PTPN22: variants seen among roughly 807,000 people sequenced by gnomAD.
PTPN22 encodes the protein tyrosine-protein phosphatase non-receptor type 22.
Under a neutral mutation model 103.3 loss-of-function variants are expected in PTPN22, and 85 were observed. That is an observed-to-expected ratio of 0.82 (90% CI 0.69 to 0.99). The LOEUF is 0.99. PTPN22 is among the 50% of genes least tolerant of loss of function. PTPN22 has a pLI of 0.00. For synonymous variants in PTPN22, 323 were observed against 310.2 expected, an observed-to-expected ratio of 1.04 and a Z score of -0.43; for missense variants, 865 against 936.9, an observed-to-expected ratio of 0.92 and a Z score of 1.00.
chr1:113,851,445 C>T (rs1388945239), intron 10 of PTPN22, among the ~76,000 whole-genome samples: 11 of 152,058 alleles, frequency 7.2e-5, no homozygotes, highest in East Asian at 1.9e-4. Flanking sequence ...TCAGCCACCG[C>T]GCCCGGCCCA....
At chr1:113,864,079 C>T (rs1571473944) in intron 1 of PTPN22, 2 of 335,138 alleles carry the variant, frequency 6.0e-6, no homozygotes, top group Non-Finnish European at 1.2e-5. Context: ...CCATTGCACT[C>T]TGGTCTGGGC....
At chr1:113,867,528 A>G (rs1666214150) in intron 1 of PTPN22, among the ~76,000 whole-genome samples, 2 of 152,190 alleles carry the variant, frequency 1.3e-5, no homozygotes, top group South Asian at 4.1e-4. Context: ...CCTCACCCAG[A>G]CTATCACAAT....
chr1:113,831,458 A>G (rs1177691112), intron 16 of PTPN22, among the ~76,000 whole-genome samples: 4 of 152,126 alleles, frequency 2.6e-5, no homozygotes, highest in South Asian at 4.1e-4. Context: ...GGATCTGTCT[A>G]TTCTGGATAT....
At chr1:113,862,197 C>T (rs1665673869) in intron 1 of PTPN22, among the ~76,000 whole-genome samples, 1 of 152,024 alleles carries the variant, frequency 6.6e-6, no homozygotes, top group African/African-American at 2.4e-5. Flanking sequence ...CAAGGAGAAT[C>T]GCTTGAACCT....
intron 11 of PTPN22, among the ~76,000 whole-genome samples, chr1:113,843,538 G>A (rs547536008): frequency 9.2e-5 from 14 of 152,250 alleles, no homozygotes; most frequent in African/African-American, 3.4e-4. Context: ...TGGGAGGGGA[G>A]AATAGGGAGT....
chr1:113,848,911 C>A (rs1158865283), intron 10 of PTPN22, among the ~76,000 whole-genome samples: 2 of 151,974 alleles, frequency 1.3e-5, no homozygotes, highest in Non-Finnish European at 2.9e-5. Flanking sequence ...AACCTAGTTT[C>A]TTATCTTTCT....
intron 10 of PTPN22, among the ~76,000 whole-genome samples, chr1:113,851,241 C>A (rs1004060647): frequency 6.7e-6 from 1 of 150,374 alleles, no homozygotes; most frequent in Admixed American, 6.6e-5. Flanking sequence ...CAACCTCCAC[C>A]TCGCAGGCTC....
chr1:113,826,284 G>A (rs1411837553), intron 18 of PTPN22, among the ~76,000 whole-genome samples: 1 of 152,050 alleles, frequency 6.6e-6, no homozygotes, highest in Non-Finnish European at 1.5e-5. Context: ...GGTCAAGGCT[G>A]CAGTCAGCCA....
intron 1 of PTPN22, among the ~76,000 whole-genome samples, chr1:113,863,740 T>C (rs1448224135): frequency 6.6e-6 from 1 of 152,062 alleles, no homozygotes; most frequent in African/African-American, 2.4e-5. Flanking sequence ...AGAACCAAGA[T>C]GTAGCCAGAT....
intron 19 of PTPN22, among the ~76,000 whole-genome samples, chr1:113,821,700 A>G (rs1661626497): frequency 1.3e-5 from 2 of 152,134 alleles, no homozygotes; most frequent in South Asian, 4.1e-4. Flanking sequence ...CCTTTAGGAA[A>G]CTACCCCTCC....
intron 2 of PTPN22, 117 bp from the exon 3 acceptor site, chr1:113,859,195 A>G: frequency 6.5e-7 from 1 of 1,548,480 alleles, no homozygotes; most frequent in Non-Finnish European, 8.7e-7. Context: ...TGAATGAATG[A>G]ATGAATGAAT....
exon 18 of PTPN22, chr1:113,829,668 T>C (rs958329282): frequency 1.2e-6 from 2 of 1,607,596 alleles, no homozygotes; most frequent in Non-Finnish European, 1.7e-6. Flanking sequence ...GGTGTCAGGA[T>C]AGCTAGTAGA....
intron 20 of PTPN22, 55 bp from the exon 21 acceptor site, chr1:113,815,024 A>ATTTCT: frequency 1.6e-6 from 2 of 1,289,130 alleles, no homozygotes; most frequent in Non-Finnish European, 2.2e-6. Flanking sequence ...TATAGAAATG[A>ATTTCT]ATACTTGGAT....
At position 113,837,553 on chromosome 1, in the gene PTPN22, A is replaced by T. The variant is rs35747917; in HGVS notation, c.1810+37T>A. ...AACTATTCTATAGAAACAAAATGAAATCTAAAATTCTATGCAAACTTTAAA... is the reference window on the plus strand; with the variant it reads ...AACTATTCTATAGAAACAAAATGAATTCTAAAATTCTATGCAAACTTTAAA... On this transcript the variant is annotated intron_variant, in intron 13 of 20. Coordinates refer to ENST00000359785, the Ensembl canonical transcript of PTPN22. 1.1e-3 allele frequency: 1,542 copies of T among 1,406,436 alleles called. 3 individuals carry two copies. The highest frequency in any genetic ancestry group is 1.4e-3 in the Non-Finnish European group (1,445 of 1,023,412). The allele number at this position is 1,406,436 out of a possible 1,614,324, so 87.1% of individuals were successfully genotyped here.
At chr1:113,858,909 G>A in intron 3 of PTPN22, 93 bp downstream of exon 3, 1 of 1,511,020 alleles carries the variant, frequency 6.6e-7, no homozygotes. Context: ...AAAGTGCTGG[G>A]ATTACAGGCA....
rs149236865 is a variant in PTPN22, at chr1:113,835,527, T to C, written c.1811-534A>G. ...CAGGACACTCCGTCTCAAAAAATAA[T>C]AATAATAATAAATAAATAAAAGCTC... On this transcript the variant is annotated intron_variant, in intron 13 of 20. Coordinates refer to ENST00000359785, the Ensembl canonical transcript of PTPN22. Among the ~76,000 whole-genome samples the C allele has an allele frequency of 5.7e-3, 871 of 152,080 alleles. 7 individuals are homozygous for C. Among genetic ancestry groups the C allele is most frequent in the Non-Finnish European group, 8.7e-3 (593 of 67,990 alleles).
At chr1:113,827,041 T>C (rs1662144542) in intron 18 of PTPN22, among the ~76,000 whole-genome samples, 1 of 152,232 alleles carries the variant, frequency 6.6e-6, no homozygotes, top group South Asian at 2.1e-4. Context: ...TCAGCATGTA[T>C]GTTTTTAATC....
At chr1:113,866,340 A>G (rs1571483081) in intron 1 of PTPN22, among the ~76,000 whole-genome samples, 2 of 151,984 alleles carry the variant, frequency 1.3e-5, no homozygotes, top group Non-Finnish European at 1.5e-5. Flanking sequence ...ATGAAACCCC[A>G]TCTCTACTAA....
chr1:113,846,410 T>G (rs1448615529), intron 11 of PTPN22, among the ~76,000 whole-genome samples: 2 of 152,228 alleles, frequency 1.3e-5, no homozygotes, highest in Non-Finnish European at 2.9e-5. Flanking sequence ...TCCTTTATGT[T>G]TCTTACCATC....
Sources: gnomAD v4.1 joint callset for allele counts (sites outside exome capture counted in the v4.1 genomes callset) on GRCh38, gnomAD v4.1.1 for gene constraint, MANE v1.5 for transcripts, NCBI Gene and HGNC (gene_info 2026-07-23, HGNC 2026-07-21) for gene names.